TENM3: variants seen among roughly 807,000 people sequenced by gnomAD.
TENM3 encodes the protein teneurin-3.
Under a neutral mutation model 255.1 loss-of-function variants are expected in TENM3, and 63 were observed. The ratio of observed to expected loss-of-function variants is 0.25; its 90% CI spans 0.20 to 0.30. TENM3 has a LOEUF of 0.30. Among genes scored for constraint, TENM3 ranks in the 10% least tolerant of loss-of-function variants. The pLI is 1.00. For missense variants in TENM3, 2,929 were observed against 3,461.1 expected, an observed-to-expected ratio of 0.85 and a Z score of 3.86; for synonymous variants, 1,306 against 1,322.3, an observed-to-expected ratio of 0.99 and a Z score of 0.27.
At chr4:182,093,770 C>T in the TENM3 span, among the ~76,000 whole-genome samples, 3 of 152,244 alleles carry the variant, frequency 2.0e-5, no homozygotes, top group Middle Eastern at 3.4e-3. Flanking sequence ...GGCACGCTTC[C>T]ACGACAGGGT....
the TENM3 span, among the ~76,000 whole-genome samples, chr4:182,113,206 A>G: frequency 6.6e-6 from 1 of 152,242 alleles, no homozygotes; most frequent in African/African-American, 2.4e-5. Context: ...ACAACACTGG[A>G]AAAATCATTT....
At position 182,789,763 on chromosome 4, in the gene TENM3, CAGTT is replaced by C. The variant is rs1663561992; in HGVS notation, c.5601+376_5601+379del. Among the ~76,000 whole-genome samples the C allele has an allele frequency of 6.6e-6, 1 of 152,206 alleles. No homozygotes were observed. ...TTTAAGAGAGAGCCTTACATTAGCA[CAGTT>C]AAAGCTGTCAGCTTTGTGTTATTCC... On this transcript the variant is annotated intron_variant, in intron 25 of 27. Transcript: ENST00000511685. The surrounding 1 kb of genome is among the most constrained non-coding windows in gnomAD (Gnocchi z 4.4).
the TENM3 span, among the ~76,000 whole-genome samples, chr4:182,014,274 CT>C: frequency 6.6e-6 from 1 of 151,646 alleles, no homozygotes; most frequent in Non-Finnish European, 1.5e-5. Flanking sequence ...TGGGGAGCTA[CT>C]TACCATTAGC....
intron 7 of TENM3, among the ~76,000 whole-genome samples, chr4:182,678,030 G>A (rs912830363): frequency 1.3e-5 from 2 of 151,890 alleles, no homozygotes; most frequent in Non-Finnish European, 2.9e-5. Flanking sequence ...ATATGCAGTA[G>A]TATAATAATA....
At chr4:181,569,661 G>T in the TENM3 span, among the ~76,000 whole-genome samples, 2 of 152,094 alleles carry the variant, frequency 1.3e-5, no homozygotes, top group Non-Finnish European at 2.9e-5. Flanking sequence ...TAGGCCTTTT[G>T]ACATTTTCTG....
chr4:182,348,285 A>G (rs1764960990), intron 3 of TENM3, among the ~76,000 whole-genome samples: 1 of 152,216 alleles, frequency 6.6e-6, no homozygotes, highest in Non-Finnish European at 1.5e-5. Context: ...TCAGGATGCC[A>G]ACATTTCTCT....
chr4:181,450,288 C>A, the TENM3 span, among the ~76,000 whole-genome samples: 1 of 151,972 alleles, frequency 6.6e-6, no homozygotes, highest in Non-Finnish European at 1.5e-5. Context: ...TTTATGATAA[C>A]GTTTTTGGAG....
At chr4:182,323,273 T>C (rs1763171772) in intron 1 of TENM3, among the ~76,000 whole-genome samples, 1 of 152,168 alleles carries the variant, frequency 6.6e-6, no homozygotes, top group Non-Finnish European at 1.5e-5. Context: ...CGATTTGCGC[T>C]GATTAAATTC....
intron 1 of TENM3, among the ~76,000 whole-genome samples, chr4:182,201,183 C>T (rs554865778): frequency 3.9e-5 from 6 of 152,048 alleles, no homozygotes; most frequent in Non-Finnish European, 8.8e-5. Flanking sequence ...CCAGATAGTA[C>T]GTTAGAAAAA....
At chr4:181,882,502 G>A in the TENM3 span, among the ~76,000 whole-genome samples, 1 of 152,176 alleles carries the variant, frequency 6.6e-6, no homozygotes, top group Non-Finnish European at 1.5e-5. Context: ...AGAGGGTGAA[G>A]ACTGATATAC....
the TENM3 span, among the ~76,000 whole-genome samples, chr4:181,584,221 G>A: frequency 6.6e-6 from 1 of 152,198 alleles, no homozygotes; most frequent in East Asian, 1.9e-4. Flanking sequence ...TATAAAAGAG[G>A]TGGGGAAAGA....
At chr4:181,799,770 T>C in the TENM3 span, among the ~76,000 whole-genome samples, 1 of 152,192 alleles carries the variant, frequency 6.6e-6, no homozygotes, top group South Asian at 2.1e-4. Context: ...TAAATTATAC[T>C]GTAAGGATCT....
the TENM3 span, among the ~76,000 whole-genome samples, chr4:181,942,661 G>A: frequency 4.7e-4 from 71 of 152,084 alleles, no homozygotes; most frequent in Non-Finnish European, 4.4e-5. Flanking sequence ...ACACTACCCC[G>A]GGGATAAAAG....
chr4:181,628,216 G>C, the TENM3 span, among the ~76,000 whole-genome samples: 1 of 151,960 alleles, frequency 6.6e-6, no homozygotes, highest in Non-Finnish European at 1.5e-5. Flanking sequence ...TGAGTTCTTT[G>C]TAGATTCTGG....
intron 3 of TENM3, among the ~76,000 whole-genome samples, chr4:182,562,841 A>G (rs1201356681): frequency 6.6e-6 from 1 of 152,158 alleles, no homozygotes; most frequent in Non-Finnish European, 1.5e-5. Flanking sequence ...ACAGTCAGGT[A>G]CTGTGGGGGT....
chr4:182,574,965 A>G lies in TENM3; in HGVS notation c.512-25959A>G, dbSNP rs751417998. ...AACTTTTGCTAAACTTGAAGCTAAT[A>G]TCAACTTTATAAATTTTTGGCTTTA... On this transcript the variant is annotated intron_variant, in intron 3 of 27. Transcript: ENST00000511685. Among the ~76,000 whole-genome samples the G allele has an allele frequency of 2.4e-4, 37 of 152,284 alleles. No homozygotes were observed. The Middle Eastern group carries it at 0.01, about 42-fold the overall frequency.
At chr4:181,790,214 AC>A in the TENM3 span, among the ~76,000 whole-genome samples, 1 of 151,586 alleles carries the variant, frequency 6.6e-6, no homozygotes, top group Non-Finnish European at 1.5e-5. Flanking sequence ...GTGTGGAAAG[AC>A]CCCCACACAT....
Position 182,622,932 on chromosome 4 carries a change from A to G in TENM3, c.750-5719A>G, listed in dbSNP as rs767662907. Among the ~76,000 whole-genome samples, 47 of 152,252 alleles carry G rather than the reference A, an allele frequency of 3.1e-4. 1 individual carries two copies. The highest frequency in any genetic ancestry group is 7.4e-5 in the Non-Finnish European group (5 of 68,022). ...GGAGTGAATATATCATTCATAGTCC[A>G]TCAGTATAGTACGTTAGAAATGCAA... On this transcript the variant is annotated intron_variant, in intron 4 of 27. Transcript: ENST00000511685.
intron 6 of TENM3, among the ~76,000 whole-genome samples, chr4:182,663,512 A>G (rs1754394528): frequency 6.6e-6 from 1 of 152,206 alleles, no homozygotes; most frequent in African/African-American, 2.4e-5. Context: ...TAAAAAGTGA[A>G]AATGTATTGA....
Sources: allele counts gnomAD v4.1 joint callset (sites outside exome capture counted in the v4.1 genomes callset), GRCh38; gene constraint gnomAD v4.1.1; non-coding constraint Gnocchi (gnomAD v3.1); transcripts MANE v1.5; gene names NCBI Gene and HGNC (gene_info 2026-07-23, HGNC 2026-07-21).